The following WDR47 variants were observed in gnomAD, a reference collection of about 807,000 sequenced individuals.
WDR47 encodes WD repeat-containing protein 47.
WDR47 carries 32 observed loss-of-function variants against 97.2 expected under a neutral mutation model. That is an observed-to-expected ratio of 0.33 (90% CI 0.25 to 0.44). The LOEUF (loss-of-function observed/expected upper bound fraction) is 0.44, where lower values mean the gene tolerates loss of function less well. Ranked by LOEUF, WDR47 falls within the 20% of genes least tolerant of loss-of-function variation. WDR47 has a pLI of 1.00. For missense variants in WDR47, 782 were observed against 1,102.3 expected (o/e 0.71, Z 4.11); for synonymous variants, 375 against 373.5 (o/e 1.00, Z -0.05).
chr1:109,008,233 C>T (rs1660770688), intron 5 of WDR47, among the ~76,000 whole-genome samples: 1 of 152,082 alleles, frequency 6.6e-6, no homozygotes, highest in Non-Finnish European at 1.5e-5. Flanking sequence ...CTCAGAGCAA[C>T]TTAACAGAAA....
chr1:108,973,700 G>A (rs780267353), intron 14 of WDR47, among the ~76,000 whole-genome samples: 2 of 151,416 alleles, frequency 1.3e-5, no homozygotes, highest in African/African-American at 4.9e-5. Context: ...TGGGCAACAT[G>A]GCAAGATCCC....
At chr1:109,035,195 A>C (rs1411124925) in intron 1 of WDR47, among the ~76,000 whole-genome samples, 1 of 151,118 alleles carries the variant, frequency 6.6e-6, no homozygotes, top group Non-Finnish European at 1.5e-5. Flanking sequence ...GCAGTGAGCC[A>C]ACATTGCACT....
At chr1:108,994,588 T>G (rs1239803926) in intron 8 of WDR47, among the ~76,000 whole-genome samples, 1 of 151,624 alleles carries the variant, frequency 6.6e-6, no homozygotes, top group Non-Finnish European at 1.5e-5. Context: ...AAAAAAAAAT[T>G]GTATGTATAT....
intron 6 of WDR47, among the ~76,000 whole-genome samples, chr1:109,003,044 C>T (rs146659973): frequency 0.012 from 1,835 of 152,270 alleles, 44 homozygotes; most frequent in African/African-American, 0.042. Flanking sequence ...GTATGTTTAT[C>T]GCAGCACAAT....
chr1:108,995,149 C>T (rs540629137), intron 8 of WDR47, among the ~76,000 whole-genome samples: 1 of 152,326 alleles, frequency 6.6e-6, no homozygotes, highest in South Asian at 2.1e-4. Flanking sequence ...ATGCAGTCTT[C>T]CACTGCTGTA....
intron 7 of WDR47, 141 bp from the exon 8 acceptor site, chr1:108,995,978 C>T: frequency 1.2e-6 from 1 of 843,746 alleles, no homozygotes; most frequent in South Asian, 1.9e-5. Context: ...AAAATTACCA[C>T]CATCAACTTA....
At chr1:109,028,170 C>G (rs1026099326) in intron 1 of WDR47, among the ~76,000 whole-genome samples, 5 of 151,980 alleles carry the variant, frequency 3.3e-5, no homozygotes, top group African/African-American at 1.2e-4. Context: ...AAGTACAGAA[C>G]AGATGACTAT....
In WDR47 at chr1:109,017,595, T is replaced by C; in HGVS notation, c.165A>G (p.Leu55=). The change falls in exon 3 of 15, where the codon CTA becomes CTG. Residue 55 remains leucine, a synonymous_variant. Coordinates refer to ENST00000369962, the MANE Select transcript of WDR47 (RefSeq NM_001142551.2). ...FSDDMLFLRQ[L]ILDGQWDEVL... ...CTTCATCCCATTGACCATCAAGTAT[T>C]AGCTGCCTAAATAAAAAATTTAAAA... 1.2e-6 allele frequency: 2 copies of C among 1,607,436 alleles called. No individual in the cohort carries two copies. The highest frequency in any genetic ancestry group is 1.7e-6 in the Non-Finnish European group (2 of 1,178,532).
At chr1:109,038,508 A>C (rs758927213) in intron 1 of WDR47, among the ~76,000 whole-genome samples, 3 of 150,654 alleles carry the variant, frequency 2.0e-5, no homozygotes, top group Non-Finnish European at 3.0e-5. Context: ...GCAAAACCCT[A>C]TCTCTACAAA....
At chr1:108,984,181 G>A (rs1658581634) in intron 10 of WDR47, among the ~76,000 whole-genome samples, 1 of 152,148 alleles carries the variant, frequency 6.6e-6, no homozygotes, top group Non-Finnish European at 1.5e-5. Flanking sequence ...GCTCAGCTGT[G>A]GAGGGTTCTA....
At chr1:108,980,943 T>A (rs1186835239) in intron 13 of WDR47, among the ~76,000 whole-genome samples, 2 of 151,854 alleles carry the variant, frequency 1.3e-5, no homozygotes, top group Non-Finnish European at 2.9e-5. Context: ...CTGGCCAACA[T>A]GGTGAAACCC....
intron 6 of WDR47, among the ~76,000 whole-genome samples, chr1:109,003,938 A>T (rs1200900639): frequency 1.3e-5 from 2 of 152,190 alleles, no homozygotes. Flanking sequence ...TCTTAAATCT[A>T]ATTAGTAAAA....
chr1:109,017,947 C>T (rs1258053942), intron 2 of WDR47, among the ~76,000 whole-genome samples: 1 of 151,616 alleles, frequency 6.6e-6, no homozygotes, highest in Non-Finnish European at 1.5e-5. Flanking sequence ...CAGGGTTTCA[C>T]CATGTTGGCC....
chr1:108,981,647 A>AT lies in WDR47; in HGVS notation c.2398+85dup, dbSNP rs1658354827. On this transcript the variant is annotated intron_variant, in intron 13 of 14. Coordinates refer to ENST00000369962, the MANE Select transcript of WDR47 (RefSeq NM_001142551.2). Reference sequence around the variant, plus strand: ...AAGTATTTATTTCACAATTTTTTCTATTTTTTATATTGCAGGGGAGAAGAA... The same window carrying AT: ...AAGTATTTATTTCACAATTTTTTCTATTTTTTTATATTGCAGGGGAGAAGAA... The AT allele has an allele frequency of 6.0e-6, 8 of 1,332,076 alleles. No homozygotes were observed. The South Asian group carries it at 1.3e-4, about 21-fold the overall frequency. The allele number at this position is 1,332,076 out of a possible 1,614,324, so 82.5% of individuals were successfully genotyped here. A position where few individuals can be genotyped will look rare whatever the true frequency, so the allele number is the denominator to read the frequency against.
rs1457135196 is a variant in WDR47, at chr1:108,971,038, C to T, written c.*392G>A. On this transcript the variant is annotated 3_prime_UTR_variant, in exon 15 of 15. Coordinates refer to ENST00000369962, the MANE Select transcript of WDR47 (RefSeq NM_001142551.2). Reference sequence around the variant, plus strand: ...ATCTGGGAGGAACTTGGTTGCATTACATTTAATAATATAGTTGAAGTATAA... The same window carrying T: ...ATCTGGGAGGAACTTGGTTGCATTATATTTAATAATATAGTTGAAGTATAA... 1.9e-5 allele frequency: 3 copies of T among 158,136 alleles called. No homozygotes were observed. The highest frequency in any genetic ancestry group is 1.3e-4 in the Admixed American group (2 of 15,780). The allele number at this position is 158,136 out of a possible 1,614,324, so 9.8% of individuals were successfully genotyped here.
In WDR47 at chr1:108,991,318, T is replaced by C. The variant is rs1344500067; in HGVS notation, c.1703A>G (p.His568Arg). ...SPCGSQISSE[H>R]SVIKPPLGDS... ...TCCAAGAGGTGGCTTAATGACCGAA[T>C]GTTCTGAAGAGCTGTGGGAGTAGAA... Residue 568 changes from histidine to arginine, a missense_variant, in exon 9 of 15, where the codon CAT becomes CGT. Physicochemically the swap from His to Arg is conservative, Grantham distance 29. Transcript: ENST00000369962. The C allele has an allele frequency of 6.2e-7, 1 of 1,611,846 alleles. No homozygotes were observed.
intron 2 of WDR47, among the ~76,000 whole-genome samples, chr1:109,020,165 T>C (rs1661723297): frequency 6.6e-6 from 1 of 152,006 alleles, no homozygotes; most frequent in African/African-American, 2.4e-5. Context: ...TAAAGGTGCA[T>C]TTCAATATTT....
intron 1 of WDR47, among the ~76,000 whole-genome samples, chr1:109,028,362 G>GTTTTTTTTTTTTTT (rs372929187): frequency 3.1e-4 from 25 of 79,802 alleles, no homozygotes; most frequent in Admixed American, 6.4e-4. Context: ...TTTTTGTTGG[G>GTTTTTTTTTTTTTT]TTTTTTTTTT....
chr1:108,986,082 G>A (rs1017242500), intron 10 of WDR47, among the ~76,000 whole-genome samples: 1 of 151,816 alleles, frequency 6.6e-6, no homozygotes, highest in African/African-American at 2.4e-5. Flanking sequence ...AGAGTTATAT[G>A]TAAATTACAT....
Sources: gnomAD v4.1 joint callset for allele counts (sites outside exome capture counted in the v4.1 genomes callset) on GRCh38, gnomAD v4.1.1 for gene constraint, MANE v1.5 for transcripts, NCBI Gene and HGNC (gene_info 2026-07-23, HGNC 2026-07-21) for gene names.